Variants in GALNTL6 observed in about 807,000 individuals in gnomAD.
The protein encoded by GALNTL6 is polypeptide N-acetylgalactosaminyltransferase like 6, also known as polypeptide N-acetylgalactosaminyltransferase-like 6.
GALNTL6 carries 46 observed loss-of-function variants against 73.7 expected under a neutral mutation model. That is an observed-to-expected ratio of 0.62 (90% CI 0.49 to 0.80). GALNTL6 has a LOEUF of 0.80. GALNTL6 is among the 30% of genes least tolerant of loss of function. GALNTL6 has a pLI of 0.00. For synonymous variants in GALNTL6, 259 were observed against 263.7 expected (o/e 0.98, Z 0.17); for missense variants, 604 against 755.0 (o/e 0.80, Z 2.34).
chr4:172,893,343 G>C (rs988104093), intron 8 of GALNTL6, among the ~76,000 whole-genome samples: 2 of 135,906 alleles, frequency 1.5e-5, no homozygotes, highest in African/African-American at 6.8e-5. Flanking sequence ...TTCTGAGAGT[G>C]GCGGGGGGGG....
chr4:172,784,353 T>C (rs776533388), intron 5 of GALNTL6, among the ~76,000 whole-genome samples: 3 of 152,130 alleles, frequency 2.0e-5, no homozygotes, highest in Non-Finnish European at 4.4e-5. Flanking sequence ...ACAATAATAA[T>C]TGATATGCGC....
intron 5 of GALNTL6, among the ~76,000 whole-genome samples, chr4:172,655,935 A>G (rs977532370): frequency 6.6e-6 from 1 of 152,206 alleles, no homozygotes. Flanking sequence ...GAGTGTAACC[A>G]TTGCTGATTT....
intron 10 of GALNTL6, among the ~76,000 whole-genome samples, chr4:172,984,953 AC>A (rs1751228498): frequency 6.6e-6 from 1 of 152,172 alleles, no homozygotes; most frequent in Non-Finnish European, 1.5e-5. Context: ...GTTAACCCTA[AC>A]AAAAAAGAAC....
intron 5 of GALNTL6, among the ~76,000 whole-genome samples, chr4:172,665,702 C>G (rs1222016309): frequency 6.6e-6 from 1 of 152,148 alleles, no homozygotes; most frequent in African/African-American, 2.4e-5. Context: ...ACTATTTTGC[C>G]TATCATAAGA....
intron 2 of GALNTL6, among the ~76,000 whole-genome samples, chr4:172,063,765 A>G (rs1731279033): frequency 2.6e-5 from 4 of 152,112 alleles, no homozygotes; most frequent in South Asian, 4.1e-4. Context: ...TAAACTTTAT[A>G]TCATTTTTAT....
intron 5 of GALNTL6, among the ~76,000 whole-genome samples, chr4:172,552,853 A>AAAAAAAAC (rs1399146354): frequency 1.3e-5 from 2 of 150,716 alleles, no homozygotes; most frequent in African/African-American, 2.4e-5. Flanking sequence ...AAAAAAAAAA[A>AAAAAAAAC]AAAAGGTAAA....
At chr4:172,709,650 A>G (rs925376786) in intron 5 of GALNTL6, among the ~76,000 whole-genome samples, 2 of 152,234 alleles carry the variant, frequency 1.3e-5, no homozygotes, top group South Asian at 4.1e-4. Flanking sequence ...ACCTTCCCAC[A>G]GTGTGGGGAA....
At chr4:172,000,220 T>C (rs960928702) in intron 2 of GALNTL6, among the ~76,000 whole-genome samples, 19 of 152,202 alleles carry the variant, frequency 1.2e-4, no homozygotes, top group African/African-American at 4.6e-4. Context: ...ATAAATGAGA[T>C]ATAATTGAAC....
chr4:171,996,540 T>C (rs1740489997), intron 2 of GALNTL6, among the ~76,000 whole-genome samples: 1 of 152,162 alleles, frequency 6.6e-6, no homozygotes, highest in Middle Eastern at 3.4e-3. Context: ...GACTGTGCGT[T>C]TGTCACAGGA....
chr4:172,408,651 C>A (rs182217230), intron 5 of GALNTL6, among the ~76,000 whole-genome samples: 52 of 151,624 alleles, frequency 3.4e-4, no homozygotes, highest in Non-Finnish European at 5.7e-4. Context: ...AAACCATAAA[C>A]TATTTGAGGT....
intron 2 of GALNTL6, among the ~76,000 whole-genome samples, chr4:171,973,741 TG>T (rs1739637670): frequency 6.6e-6 from 1 of 152,160 alleles, no homozygotes; most frequent in African/African-American, 2.4e-5. Context: ...TTAAAACTTT[TG>T]CATTAATTGA....
chr4:172,823,806 ATGAAAATTAAAAT>A (rs1742073462), intron 7 of GALNTL6, among the ~76,000 whole-genome samples: 1 of 152,238 alleles, frequency 6.6e-6, no homozygotes, highest in Non-Finnish European at 1.5e-5. Context: ...TACACCATGA[ATGAAAATTAAAAT>A]CATTTTTAAA....
At chr4:172,256,810 G>C (rs926442392) in intron 3 of GALNTL6, among the ~76,000 whole-genome samples, 1 of 148,896 alleles carries the variant, frequency 6.7e-6, no homozygotes, top group African/African-American at 2.6e-5. Flanking sequence ...AGATTGATTA[G>C]ATAGAGTATT....
chr4:172,028,568 A>G (rs185452265), intron 2 of GALNTL6, among the ~76,000 whole-genome samples: 2 of 152,146 alleles, frequency 1.3e-5, no homozygotes. Context: ...CCTGATATGG[A>G]AATTTTGTTA....
At chr4:172,919,275 G>T (rs1328589344) in intron 8 of GALNTL6, among the ~76,000 whole-genome samples, 1 of 152,196 alleles carries the variant, frequency 6.6e-6, no homozygotes, top group Non-Finnish European at 1.5e-5. Flanking sequence ...GGTGGCCTGA[G>T]GGCCTCAAGT....
At chr4:171,938,075 A>G (rs374674414) in intron 2 of GALNTL6, among the ~76,000 whole-genome samples, 9 of 152,264 alleles carry the variant, frequency 5.9e-5, no homozygotes, top group South Asian at 4.1e-4. Context: ...AAACACACCA[A>G]AGATGTTTAG....
chr4:172,536,548 C>A (rs1425842211), intron 5 of GALNTL6, among the ~76,000 whole-genome samples: 1 of 152,140 alleles, frequency 6.6e-6, no homozygotes, highest in African/African-American at 2.4e-5. Context: ...AGAATAGCAG[C>A]ATTTTGCCCC....
intron 5 of GALNTL6, among the ~76,000 whole-genome samples, chr4:172,546,797 C>CAT (rs1411417146): frequency 2.7e-5 from 1 of 36,684 alleles, no homozygotes; most frequent in Non-Finnish European, 6.3e-5. Context: ...TATATATATA[C>CAT]GTATATATAC....
At chr4:172,176,357 G>T (rs201266741) in intron 2 of GALNTL6, among the ~76,000 whole-genome samples, 2 of 30,664 alleles carry the variant, frequency 6.5e-5, no homozygotes. Context: ...AAAAAAAAAA[G>T]AGTGTATTCA....
Sources: gnomAD v4.1 joint callset for allele counts (sites outside exome capture counted in the v4.1 genomes callset) on GRCh38, gnomAD v4.1.1 for gene constraint, MANE v1.5 for transcripts, NCBI Gene and HGNC (gene_info 2026-07-23, HGNC 2026-07-21) for gene names.